The following MDGA2 variants were observed in gnomAD, a reference collection of about 807,000 sequenced individuals.
MDGA2 encodes MAM domain containing glycosylphosphatidylinositol anchor 2, also known as MAM domain-containing glycosylphosphatidylinositol anchor protein 2.
MDGA2 carries 40 observed loss-of-function variants against 117.8 expected under a neutral mutation model. That is an observed-to-expected ratio of 0.34 (90% CI 0.26 to 0.44). MDGA2 has a LOEUF of 0.44. Among genes scored for constraint, MDGA2 ranks in the 20% least tolerant of loss-of-function variants. MDGA2 has a pLI of 1.00. For synonymous variants in MDGA2, 452 were observed against 439.0 expected (o/e 1.03, Z -0.37); for missense variants, 1,123 against 1,250.6 (o/e 0.90, Z 1.54).
chr14:47,565,302 T>C (rs1277418860), intron 1 of MDGA2, among the ~76,000 whole-genome samples: 1 of 152,176 alleles, frequency 6.6e-6, no homozygotes. Flanking sequence ...TTTTGTTTTG[T>C]TTTGTTTGCT....
intron 1 of MDGA2, among the ~76,000 whole-genome samples, chr14:47,520,831 C>T (rs1201723763): frequency 6.6e-6 from 1 of 152,148 alleles, no homozygotes; most frequent in African/African-American, 2.4e-5. Context: ...ATAAACTTCA[C>T]TTGAGTTAAA....
chr14:47,343,001 T>C, intron 1 of MDGA2: 1 of 1,158,738 alleles, frequency 8.6e-7, no homozygotes, highest in South Asian at 1.3e-5. Context: ...GAATGCTACC[T>C]CAGGGGAGTC....
At chr14:47,430,837 T>C (rs369078270) in intron 1 of MDGA2, among the ~76,000 whole-genome samples, 2 of 152,240 alleles carry the variant, frequency 1.3e-5, no homozygotes, top group East Asian at 3.9e-4. Flanking sequence ...GTGCCACCAG[T>C]CTAGCTGTTT....
chr14:47,301,931 G>A (rs1267697044), intron 1 of MDGA2, among the ~76,000 whole-genome samples: 1 of 152,078 alleles, frequency 6.6e-6, no homozygotes, highest in East Asian at 1.9e-4. Context: ...GACAATTGGA[G>A]GAGAAAAGGG....
intron 10 of MDGA2, among the ~76,000 whole-genome samples, chr14:46,896,239 A>G (rs931407989): frequency 1.3e-5 from 2 of 152,156 alleles, no homozygotes; most frequent in Admixed American, 6.6e-5. Context: ...CATAGCTTTA[A>G]TTCAATTATT....
At chr14:47,465,255 C>T (rs1405461364) in intron 1 of MDGA2, among the ~76,000 whole-genome samples, 2 of 152,030 alleles carry the variant, frequency 1.3e-5, no homozygotes, top group Non-Finnish European at 1.5e-5. Context: ...GCAATACCAT[C>T]CTAGAGATAG....
At chr14:47,456,225 G>T (rs576452432) in intron 1 of MDGA2, among the ~76,000 whole-genome samples, 1 of 150,874 alleles carries the variant, frequency 6.6e-6, no homozygotes, top group Non-Finnish European at 1.5e-5. Context: ...TAATGGAAAA[G>T]TTGTCAAGAA....
At chr14:47,071,081 C>T (rs961622773) in intron 6 of MDGA2, among the ~76,000 whole-genome samples, 33 of 152,300 alleles carry the variant, frequency 2.2e-4, no homozygotes, top group Admixed American at 2.2e-3. Context: ...TAGTCATGTG[C>T]ATTATTAAAA....
At chr14:46,845,957 A>C in intron 15 of MDGA2, 86 bp from the exon 16 acceptor site, 2 of 931,004 alleles carry the variant, frequency 2.1e-6, no homozygotes, top group Non-Finnish European at 3.4e-6. Context: ...ACAAAAATAA[A>C]CTTGTCAGTA....
intron 10 of MDGA2, among the ~76,000 whole-genome samples, chr14:46,891,897 T>C (rs1031197102): frequency 6.6e-6 from 1 of 151,638 alleles, no homozygotes; most frequent in African/African-American, 2.4e-5. Flanking sequence ...CTTTTGCAAG[T>C]TTCCTATCTA....
intron 1 of MDGA2, among the ~76,000 whole-genome samples, chr14:47,555,996 C>T (rs1207171776): frequency 6.6e-6 from 1 of 152,180 alleles, no homozygotes; most frequent in Non-Finnish European, 1.5e-5. Flanking sequence ...AAAGTTTTGA[C>T]ATTTCTGAAT....
At chr14:47,190,594 A>G (rs1323120528) in intron 3 of MDGA2, among the ~76,000 whole-genome samples, 2 of 152,214 alleles carry the variant, frequency 1.3e-5, no homozygotes, top group Non-Finnish European at 2.9e-5. Context: ...AAATAAAAGC[A>G]AAAGTGCATC....
intron 1 of MDGA2, among the ~76,000 whole-genome samples, chr14:47,381,065 T>C (rs1490095767): frequency 3.3e-5 from 5 of 152,022 alleles, no homozygotes; most frequent in Admixed American, 6.5e-5. Context: ...CATACACAAA[T>C]CAGTAAATGT....
At chr14:47,279,671 T>C (rs1888413016) in intron 2 of MDGA2, among the ~76,000 whole-genome samples, 1 of 152,012 alleles carries the variant, frequency 6.6e-6, no homozygotes, top group South Asian at 2.1e-4. Flanking sequence ...AAAAAAATCA[T>C]GTTTTCCTCT....
intron 10 of MDGA2, among the ~76,000 whole-genome samples, chr14:46,912,595 A>C (rs1486532639): frequency 6.6e-6 from 1 of 152,184 alleles, no homozygotes; most frequent in Non-Finnish European, 1.5e-5. Context: ...TCAATAACTT[A>C]ACCCTCTTTC....
intron 1 of MDGA2, among the ~76,000 whole-genome samples, chr14:47,466,418 A>C (rs1893605208): frequency 6.6e-6 from 1 of 152,144 alleles, no homozygotes; most frequent in Admixed American, 6.6e-5. Context: ...GTGAAAACCG[A>C]ATTGACAGAT....
At chr14:47,565,895 T>C (rs1895908845) in intron 1 of MDGA2, among the ~76,000 whole-genome samples, 1 of 152,192 alleles carries the variant, frequency 6.6e-6, no homozygotes, top group Non-Finnish European at 1.5e-5. Flanking sequence ...GGTGCGGATG[T>C]CCTTGTGTTC....
intron 1 of MDGA2, among the ~76,000 whole-genome samples, chr14:47,446,395 G>A (rs1458148582): frequency 1.3e-5 from 2 of 152,068 alleles, no homozygotes; most frequent in African/African-American, 4.8e-5. Flanking sequence ...AATTTATCCT[G>A]GTTTCATTAC....
At chr14:47,142,328 C>T (rs1320586525) in intron 4 of MDGA2, among the ~76,000 whole-genome samples, 3 of 152,072 alleles carry the variant, frequency 2.0e-5, no homozygotes, top group Non-Finnish European at 4.4e-5. Context: ...CCTGTAATCC[C>T]AGCTACTCAG....
Sources: gnomAD v4.1 joint callset for allele counts (sites outside exome capture counted in the v4.1 genomes callset) on GRCh38, gnomAD v4.1.1 for gene constraint, MANE v1.5 for transcripts, NCBI Gene and HGNC (gene_info 2026-07-23, HGNC 2026-07-21) for gene names.